The following TG variants were observed in gnomAD, a reference collection of about 807,000 sequenced individuals.
The protein encoded by TG is thyroglobulin.
A neutral mutation model predicts 324.7 loss-of-function variants in TG; 270 were observed. The ratio of observed to expected loss-of-function variants is 0.83; its 90% CI spans 0.75 to 0.92. The LOEUF (loss-of-function observed/expected upper bound fraction) is 0.92, where lower values mean the gene tolerates loss of function less well. TG is among the 40% of genes least tolerant of loss of function. The probability of loss-of-function intolerance (pLI) is 0.00; values close to 1 mark genes in which losing one functional copy is unlikely to be tolerated. For missense variants in TG, 3,591 were observed against 3,456.4 expected, an observed-to-expected ratio of 1.04 and a Z score of -0.98; for synonymous variants, 1,401 against 1,327.0, an observed-to-expected ratio of 1.06 and a Z score of -1.21.
At chr8:132,993,878 AGCC>A (rs1832622134) in intron 35 of TG, among the ~76,000 whole-genome samples, 1 of 152,252 alleles carries the variant, frequency 6.6e-6, no homozygotes, top group African/African-American at 2.4e-5. Context: ...TTGGTTATTT[AGCC>A]TTTAGCTTTA....
Position 132,948,836 on chromosome 8 carries a change from G to A in TG, c.5294G>A (p.Trp1765Ter). ...PSVLLCNVKD[W>*]MDPSEAWANA... ...GTCCTGCTTTGTAATGTCAAAGACT[G>A]GATGGATCCCTCTGAAGCCTGGGCT... is the stretch of plus-strand genomic sequence containing the variant. The change falls in exon 27 of 48, where the codon TGG (tryptophan) becomes TAG (stop). Residue 1765 changes from tryptophan to a stop codon, truncating the protein, a stop_gained. Coordinates refer to ENST00000220616, the MANE Select transcript of TG (RefSeq NM_003235.5). LOFTEE classifies it high-confidence loss of function. 1 of 1,613,868 alleles carries A rather than the reference G, an allele frequency of 6.2e-7. No individual in the cohort carries two copies. The highest frequency in any genetic ancestry group is 8.5e-7 in the Non-Finnish European group (1 of 1,180,014).
intron 5 of TG, among the ~76,000 whole-genome samples, chr8:132,878,067 T>C (rs1348385375): frequency 6.6e-6 from 1 of 152,042 alleles, no homozygotes; most frequent in South Asian, 2.1e-4. Context: ...TCCTAACAAA[T>C]GTGAGGGGCT....
intron 35 of TG, among the ~76,000 whole-genome samples, chr8:132,986,474 C>T (rs1408382258): frequency 6.6e-6 from 1 of 151,832 alleles, no homozygotes; most frequent in Non-Finnish European, 1.5e-5. Context: ...TTCATGCAGG[C>T]ATGTATATAC....
At chr8:132,983,532 AG>A in intron 35 of TG, 120 bp downstream of exon 35, 1 of 1,015,744 alleles carries the variant, frequency 9.8e-7, no homozygotes, top group Non-Finnish European at 1.6e-6. Context: ...CATTAATTCC[AG>A]CTCCTATGAA....
At chr8:132,958,663 A>G (rs1406413857) in intron 27 of TG, among the ~76,000 whole-genome samples, 1 of 100,078 alleles carries the variant, frequency 1.0e-5, no homozygotes, top group Non-Finnish European at 2.0e-5. Context: ...AGTTGCAGTG[A>G]GCCGAGATCG....
At chr8:132,978,394 G>A (rs1830428853) in intron 34 of TG, among the ~76,000 whole-genome samples, 1 of 152,112 alleles carries the variant, frequency 6.6e-6, no homozygotes, top group African/African-American at 2.4e-5. Flanking sequence ...TCCAACACTG[G>A]AGGTCACATT....
intron 41 of TG, among the ~76,000 whole-genome samples, chr8:133,053,250 G>A (rs1253862549): frequency 6.6e-6 from 1 of 152,078 alleles, no homozygotes; most frequent in Non-Finnish European, 1.5e-5. Flanking sequence ...GTTACCCCAG[G>A]TTGCATTTTC....
intron 37 of TG, among the ~76,000 whole-genome samples, chr8:133,016,397 T>C (rs1016553059): frequency 2.6e-5 from 4 of 152,222 alleles, no homozygotes; most frequent in African/African-American, 9.6e-5. Context: ...CTGACCCCTG[T>C]GACAGCCAAA....
intron 26 of TG, among the ~76,000 whole-genome samples, chr8:132,943,744 C>G (rs1304649641): frequency 6.6e-6 from 1 of 152,220 alleles, no homozygotes; most frequent in Non-Finnish European, 1.5e-5. Flanking sequence ...CACCCCCAAA[C>G]TGCTTCTACC....
Position 132,912,873 on chromosome 8 carries a change from A to G in TG, c.4160-174A>G, listed in dbSNP as rs2687825. 0.55 allele frequency among the ~76,000 whole-genome samples: 83,695 copies of G among 152,016 alleles called. 24,011 individuals carry two copies. Among genetic ancestry groups the G allele is most frequent in the Non-Finnish European group, 0.62 (42,213 of 67,964 alleles). The stretch of plus-strand genomic sequence containing the variant: ...GCTTCTGATTCCTGGGTGACCCTGA[A>G]CCAGTTCATCCCCTTCTCTGGGCCT... On this transcript the variant is annotated intron_variant, in intron 19 of 47. Coordinates refer to ENST00000220616, the MANE Select transcript of TG (RefSeq NM_003235.5).
At chr8:133,103,811 C>T (rs920053889) in intron 43 of TG, among the ~76,000 whole-genome samples, 6 of 152,148 alleles carry the variant, frequency 3.9e-5, no homozygotes, top group African/African-American at 7.2e-5. Flanking sequence ...GGCTTCTGTG[C>T]GCTGGACTCT....
intron 41 of TG, among the ~76,000 whole-genome samples, chr8:133,033,712 G>C (rs1353837133): frequency 6.6e-6 from 1 of 152,218 alleles, no homozygotes; most frequent in Non-Finnish European, 1.5e-5. Flanking sequence ...CACCTGGAAA[G>C]TTCCTGCTGT....
At chr8:132,919,308 G>A (rs1182684134) in intron 20 of TG, 68 bp from the exon 21 acceptor site, 18 of 1,527,608 alleles carry the variant, frequency 1.2e-5, no homozygotes, top group Admixed American at 9.1e-5. Context: ...TTTACCCTGT[G>A]TGTTCTGGGA....
At chr8:133,107,429 G>A (rs1046195404) in intron 43 of TG, among the ~76,000 whole-genome samples, 1 of 152,158 alleles carries the variant, frequency 6.6e-6, no homozygotes, top group South Asian at 2.1e-4. Flanking sequence ...ATTCCTGCCT[G>A]TAACAAATCT....
intron 41 of TG, among the ~76,000 whole-genome samples, chr8:133,051,706 C>T (rs1187905797): frequency 1.3e-5 from 2 of 152,172 alleles, no homozygotes; most frequent in Admixed American, 6.5e-5. Flanking sequence ...CTGAGCGATA[C>T]GTCTGCTTCT....
chr8:133,050,209 C>G, intron 41 of TG: 1 of 554,742 alleles, frequency 1.8e-6, no homozygotes, highest in Non-Finnish European at 3.2e-6. Context: ...CTGGTAAACC[C>G]TCCCATGTGC....
intron 22 of TG, among the ~76,000 whole-genome samples, chr8:132,928,754 T>C (rs1822250820): frequency 6.6e-6 from 1 of 152,246 alleles, no homozygotes. Context: ...TAATTAGCAC[T>C]GAAGGATAGG....
chr8:133,124,942 G>A (rs149196308), intron 45 of TG, among the ~76,000 whole-genome samples: 4 of 152,272 alleles, frequency 2.6e-5, no homozygotes, highest in East Asian at 1.9e-4. Context: ...AAGAAAATAC[G>A]AAGTGGATAG....
At chr8:132,884,484 A>G (rs1485641004) in intron 8 of TG, among the ~76,000 whole-genome samples, 1 of 152,238 alleles carries the variant, frequency 6.6e-6, no homozygotes, top group Non-Finnish European at 1.5e-5. Context: ...ATATATATTA[A>G]CATTCATTCA....
Sources: allele counts gnomAD v4.1 joint callset (sites outside exome capture counted in the v4.1 genomes callset), GRCh38; gene constraint gnomAD v4.1.1; transcripts MANE v1.5; gene names NCBI Gene and HGNC (gene_info 2026-07-23, HGNC 2026-07-21).